The following GAS7 variants were observed in gnomAD, a reference collection of about 807,000 sequenced individuals.
GAS7 encodes the protein growth arrest-specific protein 7.
GAS7 carries 28 observed loss-of-function variants against 71.1 expected under a neutral mutation model. That is an observed-to-expected ratio of 0.39 (90% CI 0.29 to 0.54). GAS7 has a LOEUF of 0.54. Ranked by LOEUF, GAS7 falls within the 20% of genes least tolerant of loss-of-function variation. The pLI is 0.62. For synonymous variants in GAS7, 258 were observed against 245.8 expected, an observed-to-expected ratio of 1.05 and a Z score of -0.46; for missense variants, 436 against 627.8, an observed-to-expected ratio of 0.69 and a Z score of 3.27.
At chr17:10,160,134 G>C (rs1342564352) in intron 1 of GAS7, among the ~76,000 whole-genome samples, 2 of 152,038 alleles carry the variant, frequency 1.3e-5, no homozygotes, top group Admixed American at 6.6e-5. Context: ...TTGAACTCCT[G>C]AGCTCAAGCG....
intron 5 of GAS7, among the ~76,000 whole-genome samples, chr17:9,957,171 A>C (rs1188284031): frequency 6.6e-6 from 1 of 152,260 alleles, no homozygotes; most frequent in Non-Finnish European, 1.5e-5. Flanking sequence ...CCTCTGGGGA[A>C]CACTGGCTCA....
chr17:10,143,930 G>A (rs1330650902), intron 1 of GAS7, among the ~76,000 whole-genome samples: 1 of 152,228 alleles, frequency 6.6e-6, no homozygotes, highest in African/African-American at 2.4e-5. Flanking sequence ...GAAAATGGAA[G>A]TGACAAGGAG....
At position 9,925,459 on chromosome 17, in the gene GAS7, G is replaced by A. The variant is rs796796999; in HGVS notation, c.1138+17C>T. The A allele has an allele frequency of 5.6e-6, 9 of 1,613,466 alleles. No individual in the cohort carries two copies. Among genetic ancestry groups the A allele is most frequent in the African/African-American group, 1.3e-5 (1 of 75,026 alleles). ...TCTGTGTGCACTGACCAGGCCAGGC[G>A]GGTGCCCAGCACTTACCAGCCTGTG... On this transcript the variant is annotated intron_variant, in intron 11 of 13. Transcript: ENST00000432992.
rs572158194 is a variant in GAS7 at position 10,141,075 on chromosome 17, C to T, written c.183+57133G>A. ...CTTCTGGGGACCCAGGGAAGTGGCT[C>T]CAGGGCCCTGGCCCTGACTCACTTC... On this transcript the variant is annotated intron_variant, in intron 1 of 13. Coordinates refer to ENST00000432992, the MANE Select transcript of GAS7 (RefSeq NM_201433.2). Among the ~76,000 whole-genome samples the T allele has an allele frequency of 5.9e-5, 9 of 152,282 alleles. No homozygotes were observed. In the East Asian group the frequency reaches 1.5e-3, roughly 26 times the overall value.
Position 9,918,191 on chromosome 17 carries a change from G to A in GAS7, c.1219-92C>T. 3.6e-6 allele frequency: 3 copies of A among 823,348 alleles called. No homozygotes were observed. The South Asian group carries it at 4.5e-5, about 12-fold the overall frequency. The allele number at this position is 823,348 out of a possible 1,614,324, so 51.0% of individuals were successfully genotyped here. ...GACCACAAAACGCAAGTCACTGGCT[G>A]TGGACATTCTGTCCCATCTGACTCT... is the stretch of plus-strand genomic sequence containing the variant. On this transcript the variant is annotated intron_variant, in intron 12 of 13. Transcript: ENST00000432992.
intron 1 of GAS7, among the ~76,000 whole-genome samples, chr17:10,055,862 G>A (rs1047436123): frequency 6.6e-6 from 1 of 152,096 alleles, no homozygotes; most frequent in African/African-American, 2.4e-5. Flanking sequence ...GTATGGTTTG[G>A]AAAACAATGC....
chr17:10,105,664 C>G (rs1288881834), intron 1 of GAS7, among the ~76,000 whole-genome samples: 1 of 152,212 alleles, frequency 6.6e-6, no homozygotes, highest in Non-Finnish European at 1.5e-5. Context: ...TCCAGAGAGG[C>G]CTTCCCTAAG....
intron 1 of GAS7, among the ~76,000 whole-genome samples, chr17:10,137,379 CT>C: frequency 6.6e-6 from 1 of 152,016 alleles, no homozygotes; most frequent in South Asian, 2.1e-4. Context: ...ACCCTCACCC[CT>C]CTCCCCCACT....
intron 1 of GAS7, among the ~76,000 whole-genome samples, chr17:10,146,857 G>A (rs7207206): frequency 0.23 from 34,876 of 151,874 alleles, 4,879 homozygotes; most frequent in Non-Finnish European, 0.3. Context: ...GGTGGCGGGT[G>A]CCTGTAGTCC....
chr17:10,187,771 T>C (rs2074466630), intron 1 of GAS7, among the ~76,000 whole-genome samples: 1 of 152,168 alleles, frequency 6.6e-6, no homozygotes, highest in Non-Finnish European at 1.5e-5. Flanking sequence ...TTTATAAGAA[T>C]GCAGTCCCGG....
intron 2 of GAS7, among the ~76,000 whole-genome samples, chr17:9,987,010 A>G (rs566500205): frequency 1.2e-3 from 189 of 152,356 alleles, no homozygotes; most frequent in Non-Finnish European, 2.1e-3. Flanking sequence ...AGCCGTGTCC[A>G]GGTCTTTTCC....
chr17:10,088,630 G>A (rs2073547852), intron 1 of GAS7, among the ~76,000 whole-genome samples: 1 of 152,234 alleles, frequency 6.6e-6, no homozygotes, highest in East Asian at 1.9e-4. Context: ...CACACAGCCT[G>A]GTGTCTTTAA....
chr17:10,156,925 A>T (rs2074209970), intron 1 of GAS7, among the ~76,000 whole-genome samples: 1 of 152,056 alleles, frequency 6.6e-6, no homozygotes, highest in African/African-American at 2.4e-5. Context: ...TCAATAGTGG[A>T]GTTCAGACAC....
chr17:9,987,767 CG>C (rs1311379538), intron 2 of GAS7, among the ~76,000 whole-genome samples: 2 of 152,230 alleles, frequency 1.3e-5, no homozygotes, highest in Non-Finnish European at 2.9e-5. Context: ...GTGAGCTAGG[CG>C]GAAGTTATTA....
Position 10,032,110 on chromosome 17 carries a change from A to AG in GAS7, c.184-12214dup, listed in dbSNP as rs1358502284. Among the ~76,000 whole-genome samples, 101 of 132,314 alleles carry AG rather than the reference A, an allele frequency of 7.6e-4. 1 individual carries two copies. Among genetic ancestry groups the AG allele is most frequent in the South Asian group, 7.2e-3 (31 of 4,286 alleles). The allele number at this position is 132,314 out of a possible 152,430, so 86.8% of individuals were successfully genotyped here. ...AAGCCTGGAGGGGTTGGGGAACCTC[A>AG]GAAAAAAAAAAAAAAAAAAACCCTA... is the stretch of plus-strand genomic sequence containing the variant. On this transcript the variant is annotated intron_variant, in intron 1 of 13. Transcript: ENST00000432992.
At chr17:10,177,348 G>T (rs2074380580) in intron 1 of GAS7, among the ~76,000 whole-genome samples, 1 of 152,192 alleles carries the variant, frequency 6.6e-6, no homozygotes, top group South Asian at 2.1e-4. Context: ...TGGAGAAGGA[G>T]TGAGGCCAGG....
At chr17:10,133,910 T>G (rs879356565) in intron 1 of GAS7, among the ~76,000 whole-genome samples, 3 of 152,234 alleles carry the variant, frequency 2.0e-5, no homozygotes, top group Non-Finnish European at 4.4e-5. Flanking sequence ...TTTGCCATTG[T>G]GTATATATAC....
Position 9,926,215 on chromosome 17 carries a change from G to A in GAS7, c.1014+426C>T, listed in dbSNP as rs551837328. On this transcript the variant is annotated intron_variant, in intron 10 of 13. Coordinates refer to ENST00000432992, the MANE Select transcript of GAS7 (RefSeq NM_201433.2). The surrounding 1 kb of genome is among the most constrained non-coding windows in gnomAD (Gnocchi z 5.0). ...GGCTGAACATCAGTTCCCTGGAGGT[G>A]AGACCACCCAGGACTCAGCCTCATC... Among the ~76,000 whole-genome samples the A allele has an allele frequency of 1.3e-5, 2 of 152,278 alleles. No homozygotes were observed. The highest frequency in any genetic ancestry group is 4.1e-4 in the South Asian group (2 of 4,822).
chr17:10,006,608 C>T (rs1190625415), intron 2 of GAS7, among the ~76,000 whole-genome samples: 1 of 152,110 alleles, frequency 6.6e-6, no homozygotes, highest in Non-Finnish European at 1.5e-5. Context: ...GGATTACAGG[C>T]GCGAGCCACC....
Sources: gnomAD v4.1 joint callset for allele counts (sites outside exome capture counted in the v4.1 genomes callset) on GRCh38, gnomAD v4.1.1 for gene constraint, Gnocchi (gnomAD v3.1) non-coding constraint, MANE v1.5 for transcripts, NCBI Gene and HGNC (gene_info 2026-07-23, HGNC 2026-07-21) for gene names.